ELOVL7: variants seen among roughly 807,000 people sequenced by gnomAD.
ELOVL7 encodes ELOVL fatty acid elongase 7.
A neutral mutation model predicts 35.7 loss-of-function variants in ELOVL7; 27 were observed. The ratio of observed to expected loss-of-function variants is 0.76; its 90% CI spans 0.56 to 1.04. ELOVL7 has a LOEUF of 1.04. ELOVL7 is among the 50% of genes least tolerant of loss of function. ELOVL7 has a pLI of 0.00. For missense variants in ELOVL7, 327 were observed against 340.8 expected, an observed-to-expected ratio of 0.96 and a Z score of 0.32; for synonymous variants, 113 against 114.6, an observed-to-expected ratio of 0.99 and a Z score of 0.09.
At chr5:60,764,098 A>G in intron 7 of ELOVL7, 129 bp downstream of exon 7, 2 of 681,890 alleles carry the variant, frequency 2.9e-6, no homozygotes, top group South Asian at 3.5e-5. Flanking sequence ...TAATTAATGA[A>G]ATAAGTATAA....
chr5:60,770,563 A>G (rs1402611355), intron 4 of ELOVL7, among the ~76,000 whole-genome samples: 1 of 152,130 alleles, frequency 6.6e-6, no homozygotes, highest in Non-Finnish European at 1.5e-5. Flanking sequence ...TCCCATCTCT[A>G]TCACTCTTTT....
intron 1 of ELOVL7, among the ~76,000 whole-genome samples, chr5:60,825,721 G>A (rs1211401640): frequency 6.6e-6 from 1 of 152,190 alleles, no homozygotes; most frequent in Non-Finnish European, 1.5e-5. Flanking sequence ...GGGGATACAA[G>A]AGAACTGGAA....
intron 7 of ELOVL7, among the ~76,000 whole-genome samples, chr5:60,762,325 TGA>T (rs1171278968): frequency 1.9e-4 from 27 of 143,238 alleles, no homozygotes; most frequent in Admixed American, 1.9e-3. Context: ...AAAAAAAAAT[TGA>T]AGTATATCAT....
intron 3 of ELOVL7, among the ~76,000 whole-genome samples, chr5:60,776,956 T>A (rs1742940856): frequency 6.6e-6 from 1 of 152,116 alleles, no homozygotes. Flanking sequence ...TATAAAAATT[T>A]ATAATTGGTT....
chr5:60,808,234 T>C (rs192947389), intron 1 of ELOVL7, among the ~76,000 whole-genome samples: 1 of 150,502 alleles, frequency 6.6e-6, no homozygotes, highest in East Asian at 1.9e-4. Context: ...GATGATCCCA[T>C]AAAAGGGTAA....
At chr5:60,786,902 T>G (rs1178660276) in intron 3 of ELOVL7, among the ~76,000 whole-genome samples, 2 of 150,566 alleles carry the variant, frequency 1.3e-5, no homozygotes, top group Non-Finnish European at 3.0e-5. Flanking sequence ...GAGGTTGCAG[T>G]GAGCCGAGAT....
At chr5:60,816,938 T>A (rs1448653861) in intron 1 of ELOVL7, among the ~76,000 whole-genome samples, 2 of 152,106 alleles carry the variant, frequency 1.3e-5, no homozygotes, top group African/African-American at 4.8e-5. Flanking sequence ...ATTACACAGA[T>A]CTCTCTGTAG....
chr5:60,821,513 C>T (rs1478135113), intron 1 of ELOVL7, among the ~76,000 whole-genome samples: 4 of 152,192 alleles, frequency 2.6e-5, no homozygotes, highest in African/African-American at 7.2e-5. Flanking sequence ...AATCCTTGTT[C>T]GGCTGGCTGG....
chr5:60,835,134 G>C (rs932450142), intron 1 of ELOVL7, among the ~76,000 whole-genome samples: 4 of 149,030 alleles, frequency 2.7e-5, no homozygotes, highest in African/African-American at 1.0e-4. Context: ...AGGTTGCAGC[G>C]AGCTGAGAGC....
intron 1 of ELOVL7, among the ~76,000 whole-genome samples, chr5:60,809,050 AAT>A (rs1273787553): frequency 2.0e-5 from 3 of 152,186 alleles, no homozygotes; most frequent in Non-Finnish European, 4.4e-5. Context: ...TTCTTTAAAA[AAT>A]AATATTAAGA....
intron 7 of ELOVL7, among the ~76,000 whole-genome samples, chr5:60,759,894 T>G (rs1584148666): frequency 6.6e-6 from 1 of 152,004 alleles, no homozygotes; most frequent in East Asian, 1.9e-4. Flanking sequence ...AGGTGTTTGG[T>G]TTTTTGTTCT....
At chr5:60,792,382 T>G (rs879652780) in intron 2 of ELOVL7, among the ~76,000 whole-genome samples, 5 of 152,154 alleles carry the variant, frequency 3.3e-5, no homozygotes, top group Non-Finnish European at 7.3e-5. Flanking sequence ...TACTGAGAAT[T>G]TCCTTATGAG....
At chr5:60,824,994 C>T (rs995755957) in intron 1 of ELOVL7, among the ~76,000 whole-genome samples, 1 of 151,152 alleles carries the variant, frequency 6.6e-6, no homozygotes, top group Non-Finnish European at 1.5e-5. Context: ...CTCACTCTGT[C>T]ACCCAGGCTG....
chr5:60,823,460 T>C (rs897502913), intron 1 of ELOVL7, among the ~76,000 whole-genome samples: 2 of 152,200 alleles, frequency 1.3e-5, no homozygotes, highest in Non-Finnish European at 2.9e-5. Context: ...ACTGTCCCAT[T>C]TACCACTCTA....
At chr5:60,810,075 A>T (rs1745158720) in intron 1 of ELOVL7, among the ~76,000 whole-genome samples, 1 of 152,246 alleles carries the variant, frequency 6.6e-6, no homozygotes, top group Non-Finnish European at 1.5e-5. Context: ...AGAAAAAACA[A>T]ACTTTATCTT....
chr5:60,759,839 C>A (rs562283772), intron 7 of ELOVL7, among the ~76,000 whole-genome samples: 1 of 151,988 alleles, frequency 6.6e-6, no homozygotes, highest in African/African-American at 2.4e-5. Context: ...CCTCCTGTGT[C>A]CATGTGTTCT....
intron 1 of ELOVL7, among the ~76,000 whole-genome samples, chr5:60,829,289 A>G (rs990688861): frequency 2.0e-5 from 3 of 152,192 alleles, no homozygotes; most frequent in African/African-American, 7.2e-5. Context: ...AAAGCAGTTT[A>G]TCAAAATGTT....
rs903615081 is a variant in ELOVL7, at chr5:60,753,240, A to G, written c.*1384T>C. On this transcript the variant is annotated 3_prime_UTR_variant, in exon 9 of 9. Transcript: ENST00000508821. ...GAAAAAAAATAGGGAAAAATTCACA[A>G]ATGTCCAAATATTATTTCATGGACA... The G allele has an allele frequency of 6.6e-6, 1 of 152,084 alleles. No homozygotes were observed. Among genetic ancestry groups the G allele is most frequent in the Admixed American group, 6.5e-5 (1 of 15,270 alleles). The allele number at this position is 152,084 out of a possible 1,614,324, so 9.4% of individuals were successfully genotyped here.
chr5:60,843,841 G>A (rs1747334640), intron 1 of ELOVL7, among the ~76,000 whole-genome samples: 1 of 151,972 alleles, frequency 6.6e-6, no homozygotes, highest in Admixed American at 6.5e-5. Flanking sequence ...TTCCCTTCGG[G>A]ATGCTGCCGG....
Sources: gnomAD v4.1 joint callset for allele counts (sites outside exome capture counted in the v4.1 genomes callset) on GRCh38, gnomAD v4.1.1 for gene constraint, MANE v1.5 for transcripts, NCBI Gene and HGNC (gene_info 2026-07-23, HGNC 2026-07-21) for gene names.